The following NLGN1 variants were observed in gnomAD, a reference collection of about 807,000 sequenced individuals.
The protein encoded by NLGN1 is neuroligin 1, also known as neuroligin-1.
In NLGN1, 12 loss-of-function variants were observed where a neutral mutation model predicts 65.5. The ratio of observed to expected loss-of-function variants is 0.18; its 90% CI spans 0.12 to 0.30. The LOEUF (loss-of-function observed/expected upper bound fraction) is 0.30, where lower values mean the gene tolerates loss of function less well. Among genes scored for constraint, NLGN1 ranks in the 10% least tolerant of loss-of-function variants. The pLI is 1.00. For missense variants in NLGN1, 750 were observed against 1,007.1 expected (o/e 0.74, Z 3.46); for synonymous variants, 350 against 359.5 (o/e 0.97, Z 0.30).
intron 3 of NLGN1, among the ~76,000 whole-genome samples, chr3:173,636,308 A>AT (rs1447162087): frequency 6.6e-6 from 1 of 152,038 alleles, no homozygotes; most frequent in East Asian, 1.9e-4. Context: ...GAAAAAAAAA[A>AT]GCAATGTTTT....
At chr3:173,417,350 C>T (rs1406628451) in intron 1 of NLGN1, among the ~76,000 whole-genome samples, 1 of 151,758 alleles carries the variant, frequency 6.6e-6, no homozygotes, top group Non-Finnish European at 1.5e-5. Flanking sequence ...TTTAAAAGCT[C>T]ACTGATTAAA....
chr3:174,011,574 T>C (rs961230230), intron 4 of NLGN1, among the ~76,000 whole-genome samples: 57 of 152,162 alleles, frequency 3.7e-4, no homozygotes, highest in African/African-American at 1.4e-3. Context: ...ACTAAAATGG[T>C]TGTAAGTGTG....
intron 4 of NLGN1, among the ~76,000 whole-genome samples, chr3:173,861,240 A>C (rs935131701): frequency 9.2e-5 from 14 of 152,068 alleles, no homozygotes; most frequent in African/African-American, 2.9e-4. Context: ...TGAGAGTTTG[A>C]AAAAAATATT....
chr3:174,001,261 C>CTA (rs1723235525), intron 4 of NLGN1, among the ~76,000 whole-genome samples: 1 of 151,388 alleles, frequency 6.6e-6, no homozygotes. Context: ...GCAAGACAGA[C>CTA]TAAACACTGA....
intron 4 of NLGN1, among the ~76,000 whole-genome samples, chr3:173,906,963 C>T (rs1324358162): frequency 6.6e-6 from 1 of 151,250 alleles, no homozygotes; most frequent in Non-Finnish European, 1.5e-5. Context: ...TCTTTGTAAG[C>T]CTCAAATACT....
chr3:174,209,866 C>T (rs887312733), intron 4 of NLGN1, among the ~76,000 whole-genome samples: 11 of 151,656 alleles, frequency 7.3e-5, no homozygotes, highest in African/African-American at 1.9e-4. Context: ...CTCCTAGCCT[C>T]GTGATCCACC....
intron 4 of NLGN1, among the ~76,000 whole-genome samples, chr3:174,076,722 A>AGAGAGAGAGT: frequency 9.7e-6 from 1 of 102,984 alleles, no homozygotes; most frequent in Admixed American, 9.1e-5. Context: ...AGAGAGAGAG[A>AGAGAGAGAGT]GAGTGTGTGT....
At chr3:173,418,085 TAAATA>T (rs1373100583) in intron 1 of NLGN1, among the ~76,000 whole-genome samples, 2 of 150,996 alleles carry the variant, frequency 1.3e-5, no homozygotes, top group East Asian at 1.9e-4. Context: ...TATATATACA[TAAATA>T]AAATATAATA....
At chr3:174,111,336 C>G (rs748393670) in intron 4 of NLGN1, among the ~76,000 whole-genome samples, 15 of 151,564 alleles carry the variant, frequency 9.9e-5, no homozygotes, top group Non-Finnish European at 1.6e-4. Context: ...GAATGGAGAC[C>G]AAAAATCTCC....
chr3:173,749,103 G>T (rs1209307356), intron 3 of NLGN1, among the ~76,000 whole-genome samples: 2 of 151,986 alleles, frequency 1.3e-5, no homozygotes, highest in African/African-American at 4.8e-5. Context: ...AAAATATAAG[G>T]CAGAGAACCC....
intron 3 of NLGN1, among the ~76,000 whole-genome samples, chr3:173,797,585 G>T (rs1437647580): frequency 1.3e-5 from 2 of 151,602 alleles, no homozygotes; most frequent in Non-Finnish European, 2.9e-5. Flanking sequence ...CCTATACAAT[G>T]CATGCATGCA....
At chr3:173,418,666 A>G (rs1651857192) in intron 1 of NLGN1, among the ~76,000 whole-genome samples, 3 of 152,152 alleles carry the variant, frequency 2.0e-5, no homozygotes, top group African/African-American at 4.8e-5. Context: ...TTTCTAATCT[A>G]CTGTCCATTT....
chr3:174,040,528 A>T (rs568252994), intron 4 of NLGN1, among the ~76,000 whole-genome samples: 131 of 152,316 alleles, frequency 8.6e-4, no homozygotes, highest in Non-Finnish European at 1.4e-3. Flanking sequence ...TATACAAGAA[A>T]AAAATTGATA....
chr3:173,881,574 G>A (rs1429693921), intron 4 of NLGN1, among the ~76,000 whole-genome samples: 4 of 151,458 alleles, frequency 2.6e-5, no homozygotes, highest in African/African-American at 4.8e-5. Context: ...ACAGGCACCC[G>A]CCACCACGCC....
intron 3 of NLGN1, among the ~76,000 whole-genome samples, chr3:173,684,903 A>G (rs976676495): frequency 2.6e-5 from 4 of 152,202 alleles, no homozygotes; most frequent in Non-Finnish European, 2.9e-5. Flanking sequence ...TTAAAGGTAA[A>G]TAATCCTTGC....
chr3:173,896,068 A>G (rs990458376), intron 4 of NLGN1, among the ~76,000 whole-genome samples: 11 of 152,136 alleles, frequency 7.2e-5, no homozygotes, highest in Non-Finnish European at 7.4e-5. Context: ...GGCAATTAGC[A>G]TGGTTGCCTT....
At chr3:173,976,156 A>G (rs1255542688) in intron 4 of NLGN1, among the ~76,000 whole-genome samples, 1 of 152,068 alleles carries the variant, frequency 6.6e-6, no homozygotes, top group Non-Finnish European at 1.5e-5. Flanking sequence ...TGCAAAATGT[A>G]TTGCTCTCCT....
At chr3:174,052,197 A>C (rs1735046534) in intron 4 of NLGN1, among the ~76,000 whole-genome samples, 1 of 151,972 alleles carries the variant, frequency 6.6e-6, no homozygotes, top group East Asian at 1.9e-4. Flanking sequence ...TGAGGTTGTC[A>C]TTTCAATCTG....
chr3:173,478,923 G>A (rs1376651994), intron 2 of NLGN1, among the ~76,000 whole-genome samples: 1 of 149,124 alleles, frequency 6.7e-6, no homozygotes, highest in Non-Finnish European at 1.5e-5. Flanking sequence ...GAAAAAGAAA[G>A]AAAATTGGAT....
Sources: allele counts gnomAD v4.1 joint callset (sites outside exome capture counted in the v4.1 genomes callset), GRCh38; gene constraint gnomAD v4.1.1; transcripts MANE v1.5; gene names NCBI Gene and HGNC (gene_info 2026-07-23, HGNC 2026-07-21).